MUC6: variants seen among roughly 807,000 people sequenced by gnomAD.
MUC6 encodes the protein mucin 6, oligomeric mucus/gel-forming (gene/pseudogene).
A neutral mutation model predicts 201.5 loss-of-function variants in MUC6; 188 were observed. The ratio of observed to expected loss-of-function variants is 0.93; its 90% CI spans 0.83 to 1.05. The LOEUF is 1.05. MUC6 is among the 50% of genes least tolerant of loss of function. The pLI is 0.00. For synonymous variants in MUC6, 1,228 were observed against 1,389.4 expected, an observed-to-expected ratio of 0.88 and a Z score of 2.58; for missense variants, 2,706 against 3,256.9, an observed-to-expected ratio of 0.83 and a Z score of 4.12.
At chr11:1,013,819 G>A (rs1032989231) in intron 32 of MUC6, 80 bp downstream of exon 32, 4 of 1,467,772 alleles carry the variant, frequency 2.7e-6, no homozygotes, top group Non-Finnish European at 2.8e-6. Flanking sequence ...AGGCGCCTGG[G>A]TGGGGTGCCC....
At chr11:1,021,407 G>GA in intron 26 of MUC6, 130 bp from the exon 27 acceptor site, 1 of 515,346 alleles carries the variant, frequency 1.9e-6, no homozygotes, top group African/African-American at 2.2e-5. Flanking sequence ...GTCTCGCTCT[G>GA]TCGCCCAGGC....
chr11:1,026,218 C>T, intron 20 of MUC6, 77 bp from the exon 21 acceptor site: 1 of 1,526,480 alleles, frequency 6.6e-7, no homozygotes, highest in Non-Finnish European at 8.8e-7. Context: ...AGAGGCCAGA[C>T]TGCACCTCTG....
intron 7 of MUC6, 111 bp downstream of exon 7, chr11:1,030,460 GTC>G (rs1234570522): frequency 5.6e-6 from 8 of 1,424,220 alleles, no homozygotes; most frequent in Admixed American, 2.2e-5. Flanking sequence ...AGGATCTCCT[GTC>G]TCTCAGACCA....
chr11:1,028,851 C>T (rs773129915), intron 12 of MUC6, 38 bp downstream of exon 12: 2 of 1,610,360 alleles, frequency 1.2e-6, no homozygotes, highest in East Asian at 2.2e-5. Context: ...GCCCCGAAGG[C>T]ACAACTCTGG....
intron 24 of MUC6, among the ~76,000 whole-genome samples, chr11:1,024,512 C>T (rs1326397072): frequency 2.0e-5 from 3 of 152,202 alleles, no homozygotes; most frequent in Non-Finnish European, 4.4e-5. Flanking sequence ...GGGAAGTGCA[C>T]GCCCTGCATC....
In MUC6 at chr11:1,025,216, A is replaced by C; in HGVS notation, c.2951T>G (p.Met984Arg). The C allele has an allele frequency of 1.2e-6, 2 of 1,612,798 alleles. No individual in the cohort carries two copies. The highest frequency in any genetic ancestry group is 1.7e-6 in the Non-Finnish European group (2 of 1,179,816). Residue 984 changes from methionine (M) to arginine (R), a missense_variant, in exon 23 of 33, where the codon ATG becomes AGG. By Grantham distance (91) the Met-to-Arg change is moderately conservative. This residue lies in a region of MUC6 where 1,850 missense variants were observed against 1,958.3 expected (regional missense o/e 0.94). Coordinates refer to ENST00000421673, the MANE Select transcript of MUC6 (RefSeq NM_005961.3). ...YNLTLIWNRH[M>R]TILIRIARAS... ...ACGGGCGATCCTGATGAGGATGGTC[A>C]TGTGCCTGTTCCAGATGAGCGTCAG... is the stretch of plus-strand genomic sequence containing the variant.
chr11:1,025,424 G>A, intron 22 of MUC6, 57 bp from the exon 23 acceptor site: 2 of 1,567,322 alleles, frequency 1.3e-6, no homozygotes, highest in Non-Finnish European at 1.7e-6. Context: ...CCCTGGCACA[G>A]CCGTGCTGGA....
rs1376458533 is a variant in MUC6, at chr11:1,020,104, G to A, written c.3794C>T (p.Thr1265Ile). 5 of 1,613,552 alleles carry A rather than the reference G, an allele frequency of 3.1e-6. No homozygotes were observed. The African/African-American group carries it at 4.0e-5, about 13-fold the overall frequency. ...AGGCTCCTTACCTCCCGAGGAGGCT[G>A]TGGGCTTGGAGGATGTGAGCGTGGC... ...LPATLTSSKP[T>I]ASSGEPPRPT... The change falls in exon 29 of 33, where the codon ACA (threonine) becomes ATA (isoleucine). Residue 1265 changes from threonine (T) to isoleucine (I), a missense_variant. Thr to Ile is a moderately conservative substitution (Grantham distance 89). Transcript: ENST00000421673.
intron 14 of MUC6, 48 bp from the exon 15 acceptor site, chr11:1,028,107 C>G: frequency 6.5e-7 from 1 of 1,546,250 alleles, no homozygotes; most frequent in Non-Finnish European, 8.7e-7. Context: ...CCCATTCCAG[C>G]TACGGCTCCT....
At chr11:1,032,989 G>T (rs932222057) in intron 2 of MUC6, 24 bp downstream of exon 2, 30 of 1,567,330 alleles carry the variant, frequency 1.9e-5, no homozygotes, top group Non-Finnish European at 2.2e-5. Context: ...TGGGCGGCAG[G>T]ATCAGTGGCC....
At chr11:1,035,678 G>GAC (rs1857200199) in intron 1 of MUC6, among the ~76,000 whole-genome samples, 1 of 152,058 alleles carries the variant, frequency 6.6e-6, no homozygotes, top group African/African-American at 2.4e-5. Flanking sequence ...CCTACAGTGG[G>GAC]ACACCCCTGG....
At chr11:1,027,111 C>A (rs1270185967) in intron 18 of MUC6, 30 bp downstream of exon 18, 2 of 1,611,826 alleles carry the variant, frequency 1.2e-6, no homozygotes, top group Non-Finnish European at 1.7e-6. Flanking sequence ...CCTCACAGTC[C>A]CAGCCTGCGG....
intron 9 of MUC6, 41 bp from the exon 10 acceptor site, chr11:1,029,407 C>T (rs752504296): frequency 1.4e-5 from 23 of 1,593,160 alleles, no homozygotes; most frequent in Middle Eastern, 1.7e-4. Context: ...TGGGCAGGGC[C>T]GCTGGAGCCA....
intron 26 of MUC6, among the ~76,000 whole-genome samples, chr11:1,021,859 C>T (rs1856815852): frequency 1.3e-5 from 2 of 152,056 alleles, no homozygotes; most frequent in Non-Finnish European, 2.9e-5. Context: ...CACATCTGTC[C>T]TCTGTGTGTC....
At chr11:1,024,719 A>G in intron 24 of MUC6, 125 bp downstream of exon 24, 1 of 1,423,938 alleles carries the variant, frequency 7.0e-7, no homozygotes, top group Non-Finnish European at 9.4e-7. Flanking sequence ...AACTCTCTGC[A>G]CCCTGACCTG....
intron 1 of MUC6, among the ~76,000 whole-genome samples, chr11:1,034,714 G>A (rs1346386836): frequency 6.6e-6 from 1 of 152,214 alleles, no homozygotes; most frequent in Non-Finnish European, 1.5e-5. Flanking sequence ...TCCGATGGGG[G>A]GTGGCACTTG....
Position 1,017,232 on chromosome 11 carries a change from T to C in MUC6, c.5569A>G (p.Ile1857Val). The change falls in exon 31 of 33, where the codon ATC becomes GTC. Residue 1857 changes from isoleucine to valine, a missense_variant. By Grantham distance (29) the Ile-to-Val change is conservative. This residue lies in a region of MUC6 where 20 missense variants were observed against 35.8 expected (regional missense o/e 0.56). Coordinates refer to ENST00000421673, the MANE Select transcript of MUC6 (RefSeq NM_005961.3). ...GTGGCCATCTGTGTGTGGGTAGGGA[T>C]GATGACCGTGTGAGTACTTGGAGTC... ...LVTPSTHTVI[I>V]PTHTQMATSA... 4.3e-6 allele frequency: 7 copies of C among 1,613,972 alleles called. No homozygotes were observed. Among genetic ancestry groups the C allele is most frequent in the Non-Finnish European group, 5.9e-6 (7 of 1,179,784 alleles).
chr11:1,026,684 G>A (rs376244089), intron 19 of MUC6, among the ~76,000 whole-genome samples: 4 of 152,240 alleles, frequency 2.6e-5, no homozygotes, highest in Non-Finnish European at 5.9e-5. Flanking sequence ...CAGTGCACAC[G>A]GCTGGGCTGC....
chr11:1,025,953 C>A (rs780718670), intron 21 of MUC6, 38 bp from the exon 22 acceptor site: 1 of 1,594,902 alleles, frequency 6.3e-7, no homozygotes, highest in South Asian at 1.1e-5. Context: ...CCCTGGAGGC[C>A]GTGCCTCTGG....
Sources: gnomAD v4.1 joint callset for allele counts (sites outside exome capture counted in the v4.1 genomes callset) on GRCh38, gnomAD v4.1.1 for gene constraint, gnomAD v4.1.1 regional missense constraint, MANE v1.5 for transcripts, NCBI Gene and HGNC (gene_info 2026-07-23, HGNC 2026-07-21) for gene names.